FN1: variants seen among roughly 807,000 people sequenced by gnomAD.
The protein encoded by FN1 is fibronectin 1.
In FN1, 106 loss-of-function variants were observed where a neutral mutation model predicts 297.3. That is an observed-to-expected ratio of 0.36 (90% CI 0.30 to 0.42). The LOEUF (loss-of-function observed/expected upper bound fraction) is 0.42, where lower values mean the gene tolerates loss of function less well. Ranked by LOEUF, FN1 falls within the 10% of genes least tolerant of loss-of-function variation. The probability of loss-of-function intolerance (pLI) is 1.00; values close to 1 mark genes in which losing one functional copy is unlikely to be tolerated. For synonymous variants in FN1, 1,149 were observed against 1,152.6 expected (o/e 1.00, Z 0.06); for missense variants, 2,690 against 3,124.9 (o/e 0.86, Z 3.32).
intron 4 of FN1, 101 bp downstream of exon 4, chr2:215,431,732 C>T: frequency 1.7e-6 from 2 of 1,189,660 alleles, no homozygotes; most frequent in Non-Finnish European, 1.3e-6. Context: ...TATTGGTTTT[C>T]ACTGGAATTC....
At chr2:215,371,148 A>G (rs548856264) in intron 40 of FN1, among the ~76,000 whole-genome samples, 1 of 152,144 alleles carries the variant, frequency 6.6e-6, no homozygotes, top group South Asian at 2.1e-4. Flanking sequence ...CATGCCTGTA[A>G]TCCCAGCTAT....
intron 30 of FN1, among the ~76,000 whole-genome samples, chr2:215,383,692 C>A (rs996929816): frequency 1.3e-5 from 2 of 152,206 alleles, no homozygotes; most frequent in Admixed American, 1.3e-4. Flanking sequence ...GCTTCATTCA[C>A]AAAGAAGCTA....
chr2:215,417,801 T>G (rs1431768610), intron 12 of FN1, among the ~76,000 whole-genome samples: 1 of 152,192 alleles, frequency 6.6e-6, no homozygotes, highest in Non-Finnish European at 1.5e-5. Context: ...GATTCCTTCC[T>G]TTCCAGATTT....
chr2:215,365,053 G>T, intron 43 of FN1, 68 bp from the exon 44 acceptor site: 1 of 1,032,852 alleles, frequency 9.7e-7, no homozygotes, highest in Non-Finnish European at 1.5e-6. Flanking sequence ...ATCTAGGGGT[G>T]GGTTCTATTT....
intron 40 of FN1, among the ~76,000 whole-genome samples, chr2:215,371,217 G>A (rs552791014): frequency 5.3e-5 from 8 of 151,794 alleles, no homozygotes; most frequent in East Asian, 1.9e-4. Flanking sequence ...GCAGTGAGCC[G>A]AGATCACGCC....
intron 23 of FN1, among the ~76,000 whole-genome samples, chr2:215,395,275 A>C (rs1379905323): frequency 6.6e-6 from 1 of 152,164 alleles, no homozygotes; most frequent in Non-Finnish European, 1.5e-5. Flanking sequence ...GCTGATACTT[A>C]TTCTAGAAAG....
At chr2:215,412,490 G>T (rs977649653) in intron 13 of FN1, among the ~76,000 whole-genome samples, 3 of 152,104 alleles carry the variant, frequency 2.0e-5, no homozygotes, top group African/African-American at 7.2e-5. Context: ...AGGCTGGAGT[G>T]CAGTAGTGCC....
rs550256166 is a variant in FN1, at chr2:215,411,752, C to T, written c.1942-1638G>A. Among the ~76,000 whole-genome samples, 5 of 151,532 alleles carry T rather than the reference C, an allele frequency of 3.3e-5. No individual in the cohort carries two copies. The South Asian group carries it at 6.3e-4, about 19-fold the overall frequency. The stretch of plus-strand genomic sequence containing the variant: ...CGTGATCCTGGCTCACTGCAACCTC[C>T]GCCTTCTGGTTTCAAGCGATTCTCC... On this transcript the variant is annotated intron_variant, in intron 13 of 45. Coordinates refer to ENST00000354785, the MANE Select transcript of FN1 (RefSeq NM_212482.4).
At chr2:215,368,775 G>C (rs915014449) in intron 41 of FN1, among the ~76,000 whole-genome samples, 21 of 152,046 alleles carry the variant, frequency 1.4e-4, no homozygotes, top group African/African-American at 5.1e-4. Flanking sequence ...AGATGATTTA[G>C]GAATAAGTAA....
In FN1 at chr2:215,397,788, T is replaced by G. The variant is rs765393632; in HGVS notation, c.3409A>C (p.Ser1137Arg). 6.2e-7 allele frequency: 1 copy of G among 1,614,164 alleles called. No homozygotes were observed. Among genetic ancestry groups the G allele is most frequent in the East Asian group, 2.2e-5 (1 of 44,882 alleles). Residue 1137 changes from serine (S) to arginine (R), a missense_variant, in exon 22 of 46, where the codon AGC (serine) becomes CGC (arginine). Transcript: ENST00000354785. ...GGAGTCAAGCCGGACACAACGATGC[T>G]TCCTGAGTCTGAAGTCACTTCTCGT... Reference protein sequence around the residue: ...APREVTSDSGSIVVSGLTPGV... With the variant: ...APREVTSDSGRIVVSGLTPGV...
chr2:215,434,031 G>A (rs2067007177), intron 2 of FN1, among the ~76,000 whole-genome samples: 1 of 152,232 alleles, frequency 6.6e-6, no homozygotes, highest in African/African-American at 2.4e-5. Context: ...GAACCCTGGA[G>A]GCAGAGGTTG....
rs1423423667 is a variant in FN1 at position 215,365,574 on chromosome 2, C to T, written c.7075G>A (p.Gly2359Arg). The change falls in exon 43 of 46, where the codon GGA becomes AGA. Residue 2359 changes from glycine to arginine, a missense_variant. By Grantham distance (125) the Gly-to-Arg change is moderately radical. This residue lies in a region of FN1 where 1,743 missense variants were observed against 1,945.2 expected (regional missense o/e 0.90). Transcript: ENST00000354785. ...CAGCTCATCATCTGGCCATTTTCTCCCTGACGGTCCCACTTCTCTCCAATC... is the reference window on the plus strand; with the variant it reads ...CAGCTCATCATCTGGCCATTTTCTCTCTGACGGTCCCACTTCTCTCCAATC... Reference protein sequence around the residue: ...YKIGEKWDRQGENGQMMSCTC... With the variant: ...YKIGEKWDRQRENGQMMSCTC... 3 of 1,614,056 alleles carry T rather than the reference C, an allele frequency of 1.9e-6. No individual in the cohort carries two copies. Among genetic ancestry groups the T allele is most frequent in the Admixed American group, 1.7e-5 (1 of 60,022 alleles).
rs571095978 is a variant in FN1 at position 215,407,524 on chromosome 2, G to A, written c.2519-203C>T. ...GAAGATAAAATAAGAACAGTCATGC[G>A]AACCTTTTTAATAATAAATGTCATC... On this transcript the variant is annotated intron_variant, in intron 17 of 45. Coordinates refer to ENST00000354785, the MANE Select transcript of FN1 (RefSeq NM_212482.4). Among the ~76,000 whole-genome samples the A allele has an allele frequency of 3.9e-5, 6 of 152,224 alleles. No individual in the cohort carries two copies. In the East Asian group the frequency reaches 7.7e-4, roughly 20 times the overall value.
At chr2:215,430,289 AC>A (rs1363784361) in intron 5 of FN1, among the ~76,000 whole-genome samples, 1 of 152,242 alleles carries the variant, frequency 6.6e-6, no homozygotes, top group Non-Finnish European at 1.5e-5. Context: ...AGCAGTAAAG[AC>A]ACCAGAGGCC....
chr2:215,410,360 G>A (rs550868440), intron 13 of FN1, among the ~76,000 whole-genome samples: 2 of 152,230 alleles, frequency 1.3e-5, no homozygotes, highest in East Asian at 3.9e-4. Context: ...CCCATACTCT[G>A]TGCTGTTTAC....
Position 215,425,094 on chromosome 2 carries a change from C to T in FN1, c.1036G>A (p.Ala346Thr). The change falls in exon 7 of 46, where the codon GCT becomes ACT. Residue 346 changes from alanine (A) to threonine (T), a missense_variant and splice_region_variant. Ala to Thr is a moderately conservative substitution (Grantham distance 58). Coordinates refer to ENST00000354785, the MANE Select transcript of FN1 (RefSeq NM_212482.4). ...LGNGVSCQETAVTQTYGGNSN... is the reference protein window; with the variant it reads ...LGNGVSCQETTVTQTYGGNSN... ...TATTCTTCAAAAAGATAATGCATAC[C>T]TGTCTCTTGGCAGCTGACTCCGTTG... The T allele has an allele frequency of 6.2e-7, 1 of 1,613,936 alleles. No homozygotes were observed. The highest frequency in any genetic ancestry group is 8.5e-7 in the Non-Finnish European group (1 of 1,179,846).
chr2:215,421,976 G>A (rs946588001), intron 10 of FN1, 115 bp downstream of exon 10: 7 of 978,966 alleles, frequency 7.2e-6, no homozygotes, highest in Non-Finnish European at 1.1e-5. Flanking sequence ...AATGAATGAC[G>A]TGGCATTCCA....
Position 215,385,039 on chromosome 2 carries a change from T to G in FN1, c.4613-63A>C, listed in dbSNP as rs2058727572. ...TCAAACAATATTCAGATTTACTGTT[T>G]GTTCATTTTCCAGATAATTGTCTTA... On this transcript the variant is annotated intron_variant, in intron 28 of 45. Coordinates refer to ENST00000354785, the MANE Select transcript of FN1 (RefSeq NM_212482.4). 12 of 1,148,616 alleles carry G rather than the reference T, an allele frequency of 1.0e-5. No homozygotes were observed. The South Asian group carries it at 1.3e-4, about 12-fold the overall frequency. The allele number at this position is 1,148,616 out of a possible 1,614,324, so 71.2% of individuals were successfully genotyped here.
intron 35 of FN1, among the ~76,000 whole-genome samples, chr2:215,377,577 A>G (rs2057528989): frequency 6.6e-6 from 1 of 152,154 alleles, no homozygotes; most frequent in African/African-American, 2.4e-5. Flanking sequence ...CTAGAAGCCA[A>G]GAAGATACCA....
Sources: allele counts gnomAD v4.1 joint callset (sites outside exome capture counted in the v4.1 genomes callset), GRCh38; gene constraint gnomAD v4.1.1; regional missense constraint gnomAD v4.1.1; transcripts MANE v1.5; gene names NCBI Gene and HGNC (gene_info 2026-07-23, HGNC 2026-07-21).